ABCA1: variants seen among roughly 807,000 people sequenced by gnomAD.
The protein encoded by ABCA1 is phospholipid-transporting ATPase ABCA1.
ABCA1 carries 133 observed loss-of-function variants against 262.5 expected under a neutral mutation model. That is an observed-to-expected ratio of 0.51 (90% CI 0.44 to 0.59). The LOEUF (loss-of-function observed/expected upper bound fraction) is 0.59. Among genes scored for constraint, ABCA1 ranks in the 20% least tolerant of loss-of-function variants. The pLI is 0.00. For missense variants in ABCA1, 2,452 were observed against 2,777.5 expected, an observed-to-expected ratio of 0.88 and a Z score of 2.63; for synonymous variants, 1,022 against 1,043.5, an observed-to-expected ratio of 0.98 and a Z score of 0.40.
chr9:104,826,384 G>A (rs911256786), intron 16 of ABCA1, among the ~76,000 whole-genome samples: 2 of 152,074 alleles, frequency 1.3e-5, no homozygotes, highest in Admixed American at 6.6e-5. Context: ...CACTTGTAGG[G>A]GCTCACACAC....
At chr9:104,840,792 A>G (rs992375425) in intron 8 of ABCA1, among the ~76,000 whole-genome samples, 2 of 152,184 alleles carry the variant, frequency 1.3e-5, no homozygotes, top group Non-Finnish European at 2.9e-5. Context: ...CGACCTGCAG[A>G]ATTCAAATCT....
At chr9:104,837,286 C>A in intron 10 of ABCA1, 142 bp downstream of exon 10, 1 of 1,237,584 alleles carries the variant, frequency 8.1e-7, no homozygotes. Context: ...CTCTGGTCTG[C>A]ATCAGACTTG....
intron 3 of ABCA1, among the ~76,000 whole-genome samples, chr9:104,888,892 A>C (rs1054006416): frequency 3.3e-5 from 5 of 152,272 alleles, no homozygotes; most frequent in African/African-American, 1.2e-4. Context: ...GTCTACTGTT[A>C]TAATTACAAT....
rs763426573 is a variant in ABCA1, at chr9:104,824,450, G to A, written c.2656+15C>T. 2 of 1,614,040 alleles carry A rather than the reference G, an allele frequency of 1.2e-6. No homozygotes were observed. The highest frequency in any genetic ancestry group is 2.2e-5 in the East Asian group (1 of 44,872). On this transcript the variant is annotated intron_variant, in intron 18 of 49. Coordinates refer to ENST00000374736, the MANE Select transcript of ABCA1 (RefSeq NM_005502.4). Reference sequence around the variant, plus strand: ...CACTAGGTTAAAGAAAGAGCAGGAGGTCAACAGCACTTACTTTCTGATATT... The same window carrying A: ...CACTAGGTTAAAGAAAGAGCAGGAGATCAACAGCACTTACTTTCTGATATT...
At position 104,855,197 on chromosome 9, in the gene ABCA1, T is replaced by C. The variant is rs556511286; in HGVS notation, c.720+3325A>G. On this transcript the variant is annotated intron_variant, in intron 7 of 49. Transcript: ENST00000374736. ...ACTGATCTACAGAAGAAAACTTCTATCTTTTTTTTCTTTTTCTGAGACAGA... is the reference window on the plus strand; with the variant it reads ...ACTGATCTACAGAAGAAAACTTCTACCTTTTTTTTCTTTTTCTGAGACAGA... 4.1e-6 allele frequency: 4 copies of C among 981,792 alleles called. No individual in the cohort carries two copies. In the African/African-American group the frequency reaches 7.0e-5, roughly 17 times the overall value. 60.8% of individuals were successfully genotyped at this position (981,792 alleles called of 1,614,324 possible). A position where few individuals can be genotyped will look rare whatever the true frequency, so the allele number is the denominator to read the frequency against.
In ABCA1 at chr9:104,799,372, T is replaced by G. The variant is rs1254755613; in HGVS notation, c.4943+447A>C. ...ACTCCAAAGGCTGCATACTTTAAAC[T>G]AGCTCATCCTGGCTTTAAACTTCAC... On this transcript the variant is annotated intron_variant, in intron 36 of 49. Transcript: ENST00000374736. 3 of 859,866 alleles carry G rather than the reference T, an allele frequency of 3.5e-6. No individual in the cohort carries two copies. The African/African-American group carries it at 5.6e-5, about 16-fold the overall frequency. 53.3% of individuals were successfully genotyped at this position (859,866 alleles called of 1,614,324 possible). A position where few individuals can be genotyped will look rare whatever the true frequency, so the allele number is the denominator to read the frequency against.
At chr9:104,809,832 T>A (rs1484548190) in intron 29 of ABCA1, among the ~76,000 whole-genome samples, 1 of 152,118 alleles carries the variant, frequency 6.6e-6, no homozygotes, top group African/African-American at 2.4e-5. Flanking sequence ...CACATGTACA[T>A]ACACATATAC....
At chr9:104,804,050 C>T (rs1830564759) in intron 32 of ABCA1, among the ~76,000 whole-genome samples, 1 of 152,174 alleles carries the variant, frequency 6.6e-6, no homozygotes, top group African/African-American at 2.4e-5. Flanking sequence ...AACTGAAAGA[C>T]CCCAACTGAC....
In ABCA1 at chr9:104,845,735, T is replaced by C. The variant is rs1340705260; in HGVS notation, c.721-166A>G. On this transcript the variant is annotated intron_variant, in intron 7 of 49. Coordinates refer to ENST00000374736, the MANE Select transcript of ABCA1 (RefSeq NM_005502.4). ...CTACAATTATTTCTAACTGTAAGTT[T>C]GCATTTTGTTCATTTTCAAACTCAT... Among the ~76,000 whole-genome samples, 8 of 152,360 alleles carry C rather than the reference T, an allele frequency of 5.3e-5. No individual in the cohort carries two copies. The East Asian group carries it at 1.5e-3, about 29-fold the overall frequency.
At chr9:104,833,710 A>G (rs912489292) in intron 11 of ABCA1, among the ~76,000 whole-genome samples, 1 of 152,184 alleles carries the variant, frequency 6.6e-6, no homozygotes, top group Admixed American at 6.5e-5. Flanking sequence ...CTTAGTTTAG[A>G]AAAATAATGC....
chr9:104,785,165 G>C (rs2118832488), intron 49 of ABCA1, among the ~76,000 whole-genome samples: 2 of 152,296 alleles, frequency 1.3e-5, no homozygotes, highest in South Asian at 4.1e-4. Context: ...CTAAATGGTA[G>C]TTTTTATGGT....
At chr9:104,855,998 T>C (rs750433416) in intron 7 of ABCA1, 13 of 1,612,802 alleles carry the variant, frequency 8.1e-6, no homozygotes, top group African/African-American at 1.3e-5. Context: ...CTCCCCATCA[T>C]GTTGGGCTTT....
At chr9:104,804,302 C>T (rs1010418448) in intron 32 of ABCA1, among the ~76,000 whole-genome samples, 2 of 152,186 alleles carry the variant, frequency 1.3e-5, no homozygotes, top group Admixed American at 6.5e-5. Context: ...ATAAGAGCAA[C>T]ATTAATATCA....
At chr9:104,854,443 T>C (rs929927515) in intron 7 of ABCA1, among the ~76,000 whole-genome samples, 5 of 151,588 alleles carry the variant, frequency 3.3e-5, no homozygotes, top group Non-Finnish European at 7.4e-5. Flanking sequence ...ATTTGGTGAC[T>C]TGTTATAGTA....
intron 5 of ABCA1, among the ~76,000 whole-genome samples, chr9:104,869,952 A>C (rs1236729394): frequency 6.6e-6 from 1 of 152,168 alleles, no homozygotes; most frequent in Non-Finnish European, 1.5e-5. Flanking sequence ...TGTGTTAAGT[A>C]CTCTGAATGC....
Position 104,858,664 on chromosome 9 carries a change from C to T in ABCA1, c.578G>A (p.Ser193Asn), listed in dbSNP as rs1214257108. The change falls in exon 7 of 50, where the codon AGT becomes AAT. Residue 193 changes from serine (S) to asparagine (N), a missense_variant. Coordinates refer to ENST00000374736, the MANE Select transcript of ABCA1 (RefSeq NM_005502.4). Reference sequence around the variant, plus strand: ...TTCTGATTTTGATCCATTGCACAGACTTGTCAAATGTAACTGGTAGCCTTG... The same window carrying T: ...TTCTGATTTTGATCCATTGCACAGATTTGTCAAATGTAACTGGTAGCCTTG... ...FLQGYQLHLTSLCNGSKSEEM... is the reference protein window; with the variant it reads ...FLQGYQLHLTNLCNGSKSEEM... The T allele has an allele frequency of 5.6e-6, 9 of 1,614,206 alleles. No individual in the cohort carries two copies. The highest frequency in any genetic ancestry group is 7.6e-6 in the Non-Finnish European group (9 of 1,180,046).
At chr9:104,887,042 C>T (rs1839238131) in intron 3 of ABCA1, among the ~76,000 whole-genome samples, 1 of 152,208 alleles carries the variant, frequency 6.6e-6, no homozygotes, top group Admixed American at 6.5e-5. Context: ...CTTTGGGAGG[C>T]TGAGGCGGGC....
intron 7 of ABCA1, chr9:104,856,054 T>C (rs1835809515): frequency 1.2e-5 from 20 of 1,609,110 alleles, no homozygotes; most frequent in Non-Finnish European, 1.6e-5. Flanking sequence ...CACAGTTAAC[T>C]GCCCATGTGC....
At chr9:104,842,991 G>A (rs945286538) in intron 8 of ABCA1, among the ~76,000 whole-genome samples, 2 of 152,096 alleles carry the variant, frequency 1.3e-5, no homozygotes, top group African/African-American at 2.4e-5. Flanking sequence ...CAATGTCTTT[G>A]TATCTGCCAT....
Sources: allele counts gnomAD v4.1 joint callset (sites outside exome capture counted in the v4.1 genomes callset), GRCh38; gene constraint gnomAD v4.1.1; transcripts MANE v1.5; gene names NCBI Gene and HGNC (gene_info 2026-07-23, HGNC 2026-07-21).